LTBP1: variants seen among roughly 807,000 people sequenced by gnomAD.
The protein encoded by LTBP1 is latent transforming growth factor beta binding protein 1, also known as latent-transforming growth factor beta-binding protein 1.
Under a neutral mutation model 207.6 loss-of-function variants are expected in LTBP1, and 129 were observed. The observed-to-expected ratio is 0.62, with a 90% CI of 0.54 to 0.72. LTBP1 has a LOEUF of 0.72. Among genes scored for constraint, LTBP1 ranks in the 30% least tolerant of loss-of-function variants. The probability of loss-of-function intolerance (pLI) is 0.00; values close to 1 mark genes in which losing one functional copy is unlikely to be tolerated. For synonymous variants in LTBP1, 963 were observed against 833.7 expected (o/e 1.16, Z -2.67); for missense variants, 2,281 against 2,217.2 (o/e 1.03, Z -0.58).
chr2:33,365,410 C>T lies in LTBP1; in HGVS notation c.4618C>T (p.Leu1540Phe). 1 of 1,614,182 alleles carries T rather than the reference C, an allele frequency of 6.2e-7. No homozygotes were observed. The highest frequency in any genetic ancestry group is 8.5e-7 in the Non-Finnish European group (1 of 1,180,032). The change falls in exon 31 of 34, where the codon CTT becomes TTT. Residue 1540 changes from leucine to phenylalanine, a missense_variant. This residue lies in a region of LTBP1 where 1,671 missense variants were observed against 1,634.8 expected (regional missense o/e 1.02). Coordinates refer to ENST00000404816, the MANE Select transcript of LTBP1 (RefSeq NM_206943.4). ...LSDEYVCSRP[L>F]VGKQTTYTEC... is the part of the protein sequence containing the mutation. ...TGATGAATACGTGTGTAGCCGGCCT[C>T]TTGTGGGCAAGCAGACAACGTACAC...
chr2:33,096,763 G>A (rs974274902), intron 3 of LTBP1, among the ~76,000 whole-genome samples: 2 of 152,188 alleles, frequency 1.3e-5, no homozygotes, highest in Non-Finnish European at 2.9e-5. Flanking sequence ...ACAGAAAGTA[G>A]CTGAGCACAG....
chr2:33,176,375 G>A (rs555859128), intron 5 of LTBP1, among the ~76,000 whole-genome samples: 233 of 152,016 alleles, frequency 1.5e-3, no homozygotes, highest in African/African-American at 5.2e-3. Flanking sequence ...ACAGGCGCCC[G>A]CCACCACGCC....
At chr2:33,259,751 T>G in intron 13 of LTBP1, 141 bp downstream of exon 13, 1 of 667,126 alleles carries the variant, frequency 1.5e-6, no homozygotes, top group Non-Finnish European at 2.3e-6. Flanking sequence ...TAGCATTCAG[T>G]TATTCCAAAA....
In LTBP1 at chr2:33,309,660, A is replaced by G; in HGVS notation, c.3604+104A>G. On this transcript the variant is annotated intron_variant, in intron 23 of 33. Transcript: ENST00000404816. ...GTTTTGCCATGTGATTTATATGTAA[A>G]TAATTTATGTCAATTTTTGATATTA... 3 of 1,316,354 alleles carry G rather than the reference A, an allele frequency of 2.3e-6. 1 individual carries two copies. Among genetic ancestry groups the G allele is most frequent in the Non-Finnish European group, 1.0e-6 (1 of 953,700 alleles). The allele number at this position is 1,316,354 out of a possible 1,614,324, so 81.5% of individuals were successfully genotyped here.
chr2:33,062,589 A>T (rs1386771917), intron 3 of LTBP1, among the ~76,000 whole-genome samples: 1 of 152,098 alleles, frequency 6.6e-6, no homozygotes, highest in African/African-American at 2.4e-5. Flanking sequence ...GGCACCTTTT[A>T]TCAAAAAATC....
rs56171359 is a variant in LTBP1, at chr2:33,341,729, A to AATATATATATATATATATAT, written c.3731-1093_3731-1092insATATATATATATATATATAT. On this transcript the variant is annotated intron_variant, in intron 24 of 33. Coordinates refer to ENST00000404816, the MANE Select transcript of LTBP1 (RefSeq NM_206943.4). Reference sequence around the variant, plus strand: ...CCGTCTCACTCAAAAAAAAAAAAAAAATATATATATATATATGTATATTTA... The same window carrying AATATATATATATATATATAT: ...CCGTCTCACTCAAAAAAAAAAAAAAAATATATATATATATATATATATATATATATATATATGTATATTTA... 3.3e-3 allele frequency among the ~76,000 whole-genome samples: 310 copies of AATATATATATATATATATAT among 93,542 alleles called. 3 individuals carry two copies. The highest frequency in any genetic ancestry group is 5.9e-3 in the Middle Eastern group (1 of 170). The allele number at this position is 93,542 out of a possible 152,430, so 61.4% of individuals were successfully genotyped here. A position where few individuals can be genotyped will look rare whatever the true frequency, so the allele number is the denominator to read the frequency against.
chr2:33,332,550 CTTTA>C (rs1370432014), intron 24 of LTBP1, among the ~76,000 whole-genome samples: 1 of 151,104 alleles, frequency 6.6e-6, no homozygotes, highest in Non-Finnish European at 1.5e-5. Context: ...AAATTATATA[CTTTA>C]TTTATTTAAT....
intron 5 of LTBP1, among the ~76,000 whole-genome samples, chr2:33,146,476 G>T (rs938848189): frequency 1.3e-5 from 2 of 152,180 alleles, no homozygotes; most frequent in Admixed American, 1.3e-4. Flanking sequence ...GTCTTGCTTT[G>T]CATGTCCCTA....
At chr2:33,286,408 G>T (rs1472929209) in intron 19 of LTBP1, among the ~76,000 whole-genome samples, 2 of 152,204 alleles carry the variant, frequency 1.3e-5, no homozygotes, top group Non-Finnish European at 2.9e-5. Flanking sequence ...TTTATTTTCA[G>T]ATTTGAAGAT....
chr2:33,357,676 A>C (rs1456760962), intron 26 of LTBP1, among the ~76,000 whole-genome samples: 1 of 152,232 alleles, frequency 6.6e-6, no homozygotes, highest in African/African-American at 2.4e-5. Context: ...CTAGAATAAA[A>C]TATGAAAAAC....
rs2094683288 is a variant in LTBP1, at chr2:33,345,035, A to G, written c.3856+2072A>G. ...GTTATCATTTTGGTGAACTCAACAA[A>G]TGCCATTTTATTTGTGTTTGTATTT... On this transcript the variant is annotated intron_variant, in intron 25 of 33. Coordinates refer to ENST00000404816, the MANE Select transcript of LTBP1 (RefSeq NM_206943.4). Among the ~76,000 whole-genome samples the G allele has an allele frequency of 2.0e-5, 3 of 152,190 alleles. No individual in the cohort carries two copies. The South Asian group carries it at 6.2e-4, about 32-fold the overall frequency.
At chr2:33,099,591 A>T (rs543816923) in intron 3 of LTBP1, among the ~76,000 whole-genome samples, 1 of 152,296 alleles carries the variant, frequency 6.6e-6, no homozygotes, top group East Asian at 1.9e-4. Context: ...AGAGACTGAG[A>T]CTTAGAGGAA....
At chr2:33,215,669 C>G (rs2090616877) in intron 7 of LTBP1, among the ~76,000 whole-genome samples, 1 of 151,768 alleles carries the variant, frequency 6.6e-6, no homozygotes, top group South Asian at 2.1e-4. Context: ...CCACACTCTG[C>G]TCACTAGCCT....
intron 19 of LTBP1, among the ~76,000 whole-genome samples, chr2:33,285,105 G>C (rs2093638437): frequency 6.9e-6 from 1 of 145,426 alleles, no homozygotes; most frequent in Non-Finnish European, 1.5e-5. Context: ...GCAATGGCGT[G>C]ATCTCGGCTC....
Position 33,309,476 on chromosome 2 carries a change from G to A in LTBP1, c.3524G>A (p.Gly1175Glu). 6.2e-7 allele frequency: 1 copy of A among 1,610,246 alleles called. No individual in the cohort carries two copies. The highest frequency in any genetic ancestry group is 8.5e-7 in the Non-Finnish European group (1 of 1,178,602). The stretch of plus-strand genomic sequence containing the variant: ...GAGGACAAGAGTGTTTGCCAGAGAG[G>A]AGACTGCATTAATACTGCAGGGTCC... ...CLEDKSVCQRGDCINTAGSYD... is the reference protein window; with the variant it reads ...CLEDKSVCQREDCINTAGSYD... The change falls in exon 23 of 34, where the codon GGA becomes GAA. Residue 1175 changes from glycine (G) to glutamate (E), a missense_variant. Gly to Glu is a moderately conservative substitution (Grantham distance 98). This residue lies in a region of LTBP1 where 1,671 missense variants were observed against 1,634.8 expected (regional missense o/e 1.02). Coordinates refer to ENST00000404816, the MANE Select transcript of LTBP1 (RefSeq NM_206943.4).
In LTBP1 at chr2:33,302,186, C is replaced by T. The variant is rs80085545; in HGVS notation, c.3481+542C>T. Among the ~76,000 whole-genome samples, 6 of 152,280 alleles carry T rather than the reference C, an allele frequency of 3.9e-5. No homozygotes were observed. In the East Asian group the frequency reaches 5.8e-4, roughly 15 times the overall value. ...GACTGAACCAGGCCTGCTTATGGAGCGGGGAATATCTTCTCCCAGTGGGCT... is the reference window on the plus strand; with the variant it reads ...GACTGAACCAGGCCTGCTTATGGAGTGGGGAATATCTTCTCCCAGTGGGCT... On this transcript the variant is annotated intron_variant, in intron 22 of 33. Transcript: ENST00000404816.
intron 32 of LTBP1, among the ~76,000 whole-genome samples, chr2:33,390,501 T>C (rs1362583305): frequency 6.6e-6 from 1 of 151,914 alleles, no homozygotes; most frequent in African/African-American, 2.4e-5. Context: ...AAATTTTTTT[T>C]TTTTTGAGAT....
intron 20 of LTBP1, among the ~76,000 whole-genome samples, chr2:33,299,777 C>G (rs987859279): frequency 6.6e-6 from 1 of 152,230 alleles, no homozygotes; most frequent in African/African-American, 2.4e-5. Context: ...AGTTGTATAA[C>G]TTCGTATACA....
chr2:33,125,163 C>T (rs2081355621), intron 4 of LTBP1, among the ~76,000 whole-genome samples: 2 of 152,212 alleles, frequency 1.3e-5, no homozygotes, highest in Admixed American at 1.3e-4. Context: ...TAGTAATGCT[C>T]ATTACAAGTG....
Sources: allele counts gnomAD v4.1 joint callset (sites outside exome capture counted in the v4.1 genomes callset), GRCh38; gene constraint gnomAD v4.1.1; regional missense constraint gnomAD v4.1.1; transcripts MANE v1.5; gene names NCBI Gene and HGNC (gene_info 2026-07-23, HGNC 2026-07-21).